The following PABPN1 variants were observed in gnomAD, a reference collection of about 807,000 sequenced individuals.
PABPN1 encodes poly(A) binding protein nuclear 1.
A neutral mutation model predicts 33.4 loss-of-function variants in PABPN1; 5 were observed. The observed-to-expected ratio is 0.15, with a 90% CI of 0.08 to 0.32. The LOEUF (loss-of-function observed/expected upper bound fraction) is 0.32, where lower values mean the gene tolerates loss of function less well. Ranked by LOEUF, PABPN1 falls within the 10% of genes least tolerant of loss-of-function variation. The pLI, the probability that PABPN1 is intolerant of heterozygous loss-of-function variation, is 1.00. For missense variants in PABPN1, 312 were observed against 425.8 expected (o/e 0.73, Z 2.35); for synonymous variants, 176 against 170.6 (o/e 1.03, Z -0.25).
At position 23,323,149 on chromosome 14, in the gene PABPN1, G is replaced by A. The variant is rs545699204; in HGVS notation, c.534+83G>A. The A allele has an allele frequency of 2.2e-5, 34 of 1,581,240 alleles. No homozygotes were observed. The South Asian group carries it at 3.0e-4, about 14-fold the overall frequency. On this transcript the variant is annotated intron_variant, in intron 3 of 6. Coordinates refer to ENST00000216727, the MANE Select transcript of PABPN1 (RefSeq NM_004643.4). ...TAATAGTCCTGAAAGGAACATCTCC[G>A]GGATAGATGTGGTTTTGGGTGTGGA...
chr14:23,324,221 C>G lies in PABPN1; in HGVS notation c.813C>G (p.Thr271=). 1.2e-6 allele frequency: 2 copies of G among 1,614,182 alleles called. No individual in the cohort carries two copies. The highest frequency in any genetic ancestry group is 3.3e-5 in the Admixed American group (2 of 60,022). The change falls in exon 6 of 7, where the codon ACC becomes ACG. Residue 271 remains threonine, a synonymous_variant. Coordinates refer to ENST00000216727, the MANE Select transcript of PABPN1 (RefSeq NM_004643.4). ...GAGCCCGCTACCGCGCCCGGACCACCAACTACAACAGCTCCCGCTCTCGAT... is the reference window on the plus strand; with the variant it reads ...GAGCCCGCTACCGCGCCCGGACCACGAACTACAACAGCTCCCGCTCTCGAT... ...FPRARYRART[T]NYNSSRSRFY... is the part of the protein sequence containing the mutation.
chr14:23,323,436 C>A lies in PABPN1; in HGVS notation c.594C>A (p.Val198=). 6.2e-7 allele frequency: 1 copy of A among 1,614,070 alleles called. No homozygotes were observed. The highest frequency in any genetic ancestry group is 1.1e-5 in the South Asian group (1 of 91,074). Residue 198 remains valine (V), a synonymous_variant, in exon 4 of 7, where the codon GTC becomes GTA. Coordinates refer to ENST00000216727, the MANE Select transcript of PABPN1 (RefSeq NM_004643.4). ...LEAHFHGCGS[V]NRVTILCDKF... Reference sequence around the variant, plus strand: ...CTCACTTTCATGGCTGTGGTTCAGTCAACCGTGTTACCATACTGTGTGACA... The same window carrying A: ...CTCACTTTCATGGCTGTGGTTCAGTAAACCGTGTTACCATACTGTGTGACA...
At chr14:23,323,274 T>G (rs1888462376) in intron 3 of PABPN1, 103 bp from the exon 4 acceptor site, 2 of 1,341,850 alleles carry the variant, frequency 1.5e-6, no homozygotes, top group Non-Finnish European at 2.1e-6. Context: ...ATTACCAGAT[T>G]TCATGTGCTT....
At chr14:23,322,974 G>T (rs1888433529) in intron 2 of PABPN1, 25 bp from the exon 3 acceptor site, 1 of 1,614,072 alleles carries the variant, frequency 6.2e-7, no homozygotes, top group Non-Finnish European at 8.5e-7. Flanking sequence ...TGTGGTTTTT[G>T]TAAAAAATTA....
Position 23,323,078 on chromosome 14 carries a change from G to T in PABPN1, c.534+12G>T, listed in dbSNP as rs1330056584. On this transcript the variant is annotated intron_variant, in intron 3 of 6. Transcript: ENST00000216727. ...TCTATGTTGGCAATGTACGTACTGG[G>T]GCTCTGACTGGGGTTGGGGGCAAGT... The T allele has an allele frequency of 1.2e-6, 2 of 1,613,962 alleles. No individual in the cohort carries two copies. The highest frequency in any genetic ancestry group is 1.7e-6 in the Non-Finnish European group (2 of 1,179,998).
At position 23,321,710 on chromosome 14, in the gene PABPN1, C is replaced by T. The variant is rs1207809520; in HGVS notation, c.241C>T (p.Pro81Ser). 1 of 1,540,942 alleles carries T rather than the reference C, an allele frequency of 6.5e-7. No homozygotes were observed. The change falls in exon 1 of 7, where the codon CCG becomes TCG. Residue 81 changes from proline (P) to serine (S), a missense_variant. This residue lies in a region of PABPN1 where 167 missense variants were observed against 168.9 expected (regional missense o/e 0.99). Transcript: ENST00000216727. ...EEEPPRPRAP[P>S]GAPGPGPGSG... ...GGAGCCGCCCCGGCCCCGCGCCCCC[C>T]CGGGAGCTCCGGGCCCTGGGCCTGG...
chr14:23,323,393 C>T lies in PABPN1; in HGVS notation c.551C>T (p.Thr184Ile). Residue 184 changes from threonine (T) to isoleucine (I), a missense_variant, in exon 4 of 7, where the codon ACA (threonine) becomes ATA (isoleucine). Physicochemically the swap from Thr to Ile is moderately conservative, Grantham distance 89. Transcript: ENST00000216727. ...TCTCATCAGGTGGACTATGGTGCAACAGCAGAAGAGCTGGAAGCTCACTTT... is the reference window on the plus strand; with the variant it reads ...TCTCATCAGGTGGACTATGGTGCAATAGCAGAAGAGCTGGAAGCTCACTTT... Reference protein sequence around the residue: ...IYVGNVDYGATAEELEAHFHG... With the variant: ...IYVGNVDYGAIAEELEAHFHG... 6.2e-7 allele frequency: 1 copy of T among 1,613,378 alleles called. No homozygotes were observed. Among genetic ancestry groups the T allele is most frequent in the Non-Finnish European group, 8.5e-7 (1 of 1,179,894 alleles).
chr14:23,322,387 C>G, intron 2 of PABPN1, 92 bp downstream of exon 2: 1 of 1,096,890 alleles, frequency 9.1e-7, no homozygotes, highest in Non-Finnish European at 1.4e-6. Context: ...TACTCGGCAC[C>G]CTGGAGCTGC....
At chr14:23,323,917 T>C (rs376200246) in intron 4 of PABPN1, 48 bp from the exon 5 acceptor site, 2 of 1,601,446 alleles carry the variant, frequency 1.2e-6, no homozygotes, top group African/African-American at 2.7e-5. Flanking sequence ...GAATTTGACC[T>C]GTGAGGTATT....
chr14:23,322,316 C>G (rs769902576), intron 2 of PABPN1, 21 bp downstream of exon 2: 11 of 1,576,566 alleles, frequency 7.0e-6, no homozygotes, highest in South Asian at 7.0e-5. Context: ...GGCGGTTGCA[C>G]GCGGAGCCCG....
At position 23,325,334 on chromosome 14, in the gene PABPN1, G is replaced by GA. The variant is rs751517593; in HGVS notation, c.*58dup. 11,939 of 1,044,190 alleles carry GA rather than the reference G, an allele frequency of 0.011. 27 individuals carry two copies. The highest frequency in any genetic ancestry group is 0.012 in the Non-Finnish European group (8,878 of 768,306). The allele number at this position is 1,044,190 out of a possible 1,614,324, so 64.7% of individuals were successfully genotyped here. ...AGAGAGGAAAAAAAGAGGAAAGAAG[G>GA]AAAAAAAAAAGAATTAAAAAAAAAA... is the stretch of plus-strand genomic sequence containing the variant. On this transcript the variant is annotated 3_prime_UTR_variant, in exon 7 of 7. Coordinates refer to ENST00000216727, the MANE Select transcript of PABPN1 (RefSeq NM_004643.4).
In PABPN1 at chr14:23,321,514, C is replaced by T; in HGVS notation, c.45C>T (p.Gly15=). 1 of 1,235,596 alleles carries T rather than the reference C, an allele frequency of 8.1e-7. No individual in the cohort carries two copies. Among genetic ancestry groups the T allele is most frequent in the Non-Finnish European group, 1.0e-6 (1 of 987,680 alleles). 76.5% of individuals were successfully genotyped at this position (1,235,596 alleles called of 1,614,324 possible). A position where few individuals can be genotyped will look rare whatever the true frequency, so the allele number is the denominator to read the frequency against. Residue 15 remains glycine, a synonymous_variant, in exon 1 of 7, where the codon GGC becomes GGT. Coordinates refer to ENST00000216727, the MANE Select transcript of PABPN1 (RefSeq NM_004643.4). ...CGGCAGCAGCAGCGGGGGCTGCGGG[C>T]GGTCGGGGCTCCGGGCCGGGGCGGC... ...AAAAAAAGAA[G]GRGSGPGRRR... is the part of the protein sequence containing the mutation.
intron 2 of PABPN1, 197 bp from the exon 3 acceptor site, chr14:23,322,802 C>A (rs2138473018): frequency 1.6e-6 from 1 of 640,314 alleles, no homozygotes; most frequent in Admixed American, 2.6e-5. Flanking sequence ...TTAATTCTTT[C>A]AATTTATTGA....
chr14:23,325,123 GACACTTGA>G (rs1888646914), intron 6 of PABPN1, 116 bp from the exon 7 acceptor site: 9 of 1,372,256 alleles, frequency 6.6e-6, no homozygotes, highest in Middle Eastern at 2.1e-4. Flanking sequence ...TCAGTTTTAG[GACACTTGA>G]ACACTTCTTT....
rs571898628 is a variant in PABPN1, at chr14:23,321,988, G to T, written c.351+168G>T. 2.3e-4 allele frequency: 184 copies of T among 783,950 alleles called. No individual in the cohort carries two copies. In the African/African-American group the frequency reaches 2.7e-3, roughly 11 times the overall value. The allele number at this position is 783,950 out of a possible 1,614,324, so 48.6% of individuals were successfully genotyped here. On this transcript the variant is annotated intron_variant, in intron 1 of 6. Coordinates refer to ENST00000216727, the MANE Select transcript of PABPN1 (RefSeq NM_004643.4). ...GGTCAGCGATCACTACAAGGGGCCC[G>T]ACTGGCTTGATTCGGGCGTCACGGT...
rs1039696122 is a variant in PABPN1, at chr14:23,321,989, A to G, written c.351+169A>G. ...GTCAGCGATCACTACAAGGGGCCCG[A>G]CTGGCTTGATTCGGGCGTCACGGTT... On this transcript the variant is annotated intron_variant, in intron 1 of 6. Transcript: ENST00000216727. 50 of 784,386 alleles carry G rather than the reference A, an allele frequency of 6.4e-5. No homozygotes were observed. In the African/African-American group the frequency reaches 7.3e-4, roughly 11 times the overall value. 48.6% of individuals were successfully genotyped at this position (784,386 alleles called of 1,614,324 possible).
At position 23,322,257 on chromosome 14, in the gene PABPN1, T is replaced by C; in HGVS notation, c.428T>C (p.Val143Ala). The change falls in exon 2 of 7, where the codon GTA (valine) becomes GCA (alanine). Residue 143 changes from valine (V) to alanine (A), a missense_variant. Coordinates refer to ENST00000216727, the MANE Select transcript of PABPN1 (RefSeq NM_004643.4). ...AAGCTAAAGGAGCTACAGAACGAGG[T>C]AGAGAAGCAGATGAATATGAGTCCA... ...AEKLKELQNE[V>A]EKQMNMSPPP... 6.2e-7 allele frequency: 1 copy of C among 1,609,592 alleles called. No homozygotes were observed. The highest frequency in any genetic ancestry group is 8.5e-7 in the Non-Finnish European group (1 of 1,178,008).
chr14:23,324,228 A>G lies in PABPN1; in HGVS notation c.820A>G (p.Asn274Asp). 1.2e-6 allele frequency: 2 copies of G among 1,614,094 alleles called. No homozygotes were observed. Among genetic ancestry groups the G allele is most frequent in the Non-Finnish European group, 1.7e-6 (2 of 1,180,022 alleles). ...CTACCGCGCCCGGACCACCAACTAC[A>G]ACAGCTCCCGCTCTCGATTCTACAG... ...ARYRARTTNYNSSRSRFYSGF... is the reference protein window; with the variant it reads ...ARYRARTTNYDSSRSRFYSGF... Residue 274 changes from asparagine to aspartate, a missense_variant, in exon 6 of 7, where the codon AAC (asparagine) becomes GAC (aspartate). By Grantham distance (23) the Asn-to-Asp change is conservative. Transcript: ENST00000216727.
In PABPN1 at chr14:23,321,458, G is replaced by C. The variant is rs1233114746; in HGVS notation, c.-12G>C. 3.5e-6 allele frequency: 4 copies of C among 1,149,396 alleles called. No individual in the cohort carries two copies. Among genetic ancestry groups the C allele is most frequent in the South Asian group, 4.2e-5 (1 of 23,754 alleles). 71.2% of individuals were successfully genotyped at this position (1,149,396 alleles called of 1,614,324 possible). On this transcript the variant is annotated 5_prime_UTR_variant, in exon 1 of 7. Transcript: ENST00000216727. ...TCCAATCGCCGGGCGGCGGGCCCCA[G>C]TCTGAGCGGCGATGGCGGCGGCGGC...
Sources: gnomAD v4.1 joint callset for allele counts on GRCh38, gnomAD v4.1.1 for gene constraint, gnomAD v4.1.1 regional missense constraint, MANE v1.5 for transcripts, NCBI Gene and HGNC (gene_info 2026-07-23, HGNC 2026-07-21) for gene names.